The following ERI3 variants were observed in gnomAD, a reference collection of about 807,000 sequenced individuals.
The protein encoded by ERI3 is ERI1 exoribonuclease 3.
A neutral mutation model predicts 44.4 loss-of-function variants in ERI3; 18 were observed. The ratio of observed to expected loss-of-function variants is 0.41; its 90% CI spans 0.28 to 0.60. The LOEUF is 0.60. Ranked by LOEUF, ERI3 falls within the 20% of genes least tolerant of loss-of-function variation. The probability of loss-of-function intolerance (pLI) is 0.36; values close to 1 mark genes in which losing one functional copy is unlikely to be tolerated. For missense variants in ERI3, 294 were observed against 435.5 expected, an observed-to-expected ratio of 0.68 and a Z score of 2.89; for synonymous variants, 183 against 164.8, an observed-to-expected ratio of 1.11 and a Z score of -0.84.
chr1:44,235,388 C>G lies in ERI3; in HGVS notation c.931+12551G>C, dbSNP rs754695532. Among the ~76,000 whole-genome samples, 18 of 152,166 alleles carry G rather than the reference C, an allele frequency of 1.2e-4. No individual in the cohort carries two copies. Among genetic ancestry groups the G allele is most frequent in the Non-Finnish European group, 2.6e-4 (18 of 68,030 alleles). ...CTTCCTCTAGGTGCCTTCCCCCCATCCCGCCTTTGTGTTAGGAACCTCTTC... is the reference window on the plus strand; with the variant it reads ...CTTCCTCTAGGTGCCTTCCCCCCATGCCGCCTTTGTGTTAGGAACCTCTTC... On this transcript the variant is annotated intron_variant, in intron 8 of 8. Coordinates refer to ENST00000372257, the MANE Select transcript of ERI3 (RefSeq NM_024066.3). This position sits in a 1 kb window ranked among gnomAD's most constrained non-coding sequence, Gnocchi z 4.6.
intron 8 of ERI3, among the ~76,000 whole-genome samples, chr1:44,227,725 G>C (rs954682589): frequency 9.2e-5 from 14 of 152,276 alleles, no homozygotes; most frequent in African/African-American, 3.4e-4. Context: ...GGCCAAGGCA[G>C]TGAGTTTAGG....
Position 44,274,233 on chromosome 1 carries a change from T to C in ERI3, c.831+10602A>G, listed in dbSNP as rs146214644. 3.3e-3 allele frequency among the ~76,000 whole-genome samples: 508 copies of C among 152,366 alleles called. 3 individuals carry two copies. The highest frequency in any genetic ancestry group is 0.011 in the African/African-American group (476 of 41,580). ...TTCATGCATATATTATCTGTCTCCC[T>C]ATTATCTGGAATCATTTCGGAATTA... is the stretch of plus-strand genomic sequence containing the variant. On this transcript the variant is annotated intron_variant, in intron 7 of 8. Transcript: ENST00000372257.
intron 5 of ERI3, among the ~76,000 whole-genome samples, chr1:44,310,955 G>A (rs976620588): frequency 1.2e-4 from 9 of 72,408 alleles, no homozygotes; most frequent in African/African-American, 4.0e-4. Flanking sequence ...TGCACATCGC[G>A]CGCGCGCGCA....
chr1:44,263,274 G>A (rs975787486), intron 7 of ERI3, among the ~76,000 whole-genome samples: 11 of 152,184 alleles, frequency 7.2e-5, no homozygotes, highest in Admixed American at 1.3e-4. Context: ...AGGAGGTCAG[G>A]GGCTGAAAAC....
chr1:44,288,070 A>AG (rs1330262130), intron 6 of ERI3, among the ~76,000 whole-genome samples: 1 of 152,168 alleles, frequency 6.6e-6, no homozygotes, highest in East Asian at 1.9e-4. Context: ...TCCACTGCCT[A>AG]GGAAGGGTCT....
intron 2 of ERI3, among the ~76,000 whole-genome samples, chr1:44,343,482 C>G (rs186286140): frequency 1.4e-4 from 21 of 152,242 alleles, no homozygotes; most frequent in Admixed American, 7.2e-4. Context: ...AGCTACACAA[C>G]CTAAATCTAA....
chr1:44,277,526 C>T (rs1645203403), intron 7 of ERI3, among the ~76,000 whole-genome samples: 1 of 152,224 alleles, frequency 6.6e-6, no homozygotes, highest in Admixed American at 6.5e-5. Flanking sequence ...TTAGTTCACT[C>T]CAATTTGGCT....
At chr1:44,325,451 A>C (rs1168401672) in intron 3 of ERI3, among the ~76,000 whole-genome samples, 1 of 152,204 alleles carries the variant, frequency 6.6e-6, no homozygotes, top group Non-Finnish European at 1.5e-5. Flanking sequence ...CTGCAACAGC[A>C]TTTCAAATGA....
rs373964791 is a variant in ERI3, at chr1:44,252,417, G to A, written c.832-4379C>T. Among the ~76,000 whole-genome samples, 68 of 152,346 alleles carry A rather than the reference G, an allele frequency of 4.5e-4. 1 individual carries two copies. In the East Asian group the frequency reaches 9.7e-3, roughly 22 times the overall value. On this transcript the variant is annotated intron_variant, in intron 7 of 8. Coordinates refer to ENST00000372257, the MANE Select transcript of ERI3 (RefSeq NM_024066.3). This position sits in a 1 kb window ranked among gnomAD's most constrained non-coding sequence, Gnocchi z 4.7. Reference sequence around the variant, plus strand: ...GCCAGCCATCTGCGACGGGCCTGCCGCATAGCCCTGCTGTAGGTGCGGCGG... The same window carrying A: ...GCCAGCCATCTGCGACGGGCCTGCCACATAGCCCTGCTGTAGGTGCGGCGG...
At chr1:44,274,778 T>G (rs1468717431) in intron 7 of ERI3, among the ~76,000 whole-genome samples, 1 of 152,180 alleles carries the variant, frequency 6.6e-6, no homozygotes, top group Non-Finnish European at 1.5e-5. Context: ...GGTTCCAGCA[T>G]CAAACCCAGC....
intron 2 of ERI3, among the ~76,000 whole-genome samples, chr1:44,344,940 G>T (rs1225841419): frequency 6.6e-6 from 1 of 152,230 alleles, no homozygotes; most frequent in Admixed American, 6.5e-5. Flanking sequence ...TGGAGAAGCA[G>T]GCCTGCGCCA....
At chr1:44,269,575 T>C (rs1353019403) in intron 7 of ERI3, among the ~76,000 whole-genome samples, 2 of 152,182 alleles carry the variant, frequency 1.3e-5, no homozygotes, top group East Asian at 3.8e-4. Context: ...CATATACAAA[T>C]GGGTACACCC....
chr1:44,289,098 G>T (rs1357523062), intron 6 of ERI3, among the ~76,000 whole-genome samples: 1 of 152,186 alleles, frequency 6.6e-6, no homozygotes, highest in African/African-American at 2.4e-5. Flanking sequence ...CGAGTCCACA[G>T]GTGTGATTTC....
At chr1:44,261,874 G>T (rs778964862) in intron 7 of ERI3, among the ~76,000 whole-genome samples, 19 of 152,232 alleles carry the variant, frequency 1.2e-4, no homozygotes, top group Non-Finnish European at 2.4e-4. Context: ...GGCTGGGAAT[G>T]GGTGTGGCAA....
intron 6 of ERI3, among the ~76,000 whole-genome samples, chr1:44,287,815 A>C (rs1186242621): frequency 6.6e-6 from 1 of 152,202 alleles, no homozygotes; most frequent in Non-Finnish European, 1.5e-5. Context: ...TTTTAGAAAA[A>C]TCACATTAAG....
chr1:44,238,050 C>T (rs1272315474), intron 8 of ERI3, among the ~76,000 whole-genome samples: 1 of 152,194 alleles, frequency 6.6e-6, no homozygotes, highest in African/African-American at 2.4e-5. Context: ...GGCCTCTGCT[C>T]TTCTCTCTTG....
Position 44,355,247 on chromosome 1 carries a change from C to G in ERI3, c.-221G>C. On this transcript the variant is annotated 5_prime_UTR_variant, in exon 1 of 9. Transcript: ENST00000372257. ...GGCAGCCAGCACCACGAGTCCACAACACACCGACTCACCTCCGCGCACTCT... is the reference window on the plus strand; with the variant it reads ...GGCAGCCAGCACCACGAGTCCACAAGACACCGACTCACCTCCGCGCACTCT... 1 of 1,169,956 alleles carries G rather than the reference C, an allele frequency of 8.5e-7. No homozygotes were observed. The highest frequency in any genetic ancestry group is 1.1e-6 in the Non-Finnish European group (1 of 948,322). The allele number at this position is 1,169,956 out of a possible 1,614,324, so 72.5% of individuals were successfully genotyped here.
Position 44,250,620 on chromosome 1 carries a change from T to C in ERI3, c.832-2582A>G, listed in dbSNP as rs879566801. Among the ~76,000 whole-genome samples, 10 of 152,256 alleles carry C rather than the reference T, an allele frequency of 6.6e-5. No individual in the cohort carries two copies. In the East Asian group the frequency reaches 1.9e-3, roughly 29 times the overall value. On this transcript the variant is annotated intron_variant, in intron 7 of 8. Coordinates refer to ENST00000372257, the MANE Select transcript of ERI3 (RefSeq NM_024066.3). ...CTTGTCAGAGCGAGGGCGAGATGAA[T>C]TGGCGTCTCCACTGCGGCCGTGGGT...
chr1:44,319,774 A>T (rs375958313), intron 3 of ERI3, 30 bp from the exon 4 acceptor site: 1 of 1,491,406 alleles, frequency 6.7e-7, no homozygotes, highest in Non-Finnish European at 9.4e-7. Context: ...GAAAAGGAAA[A>T]ATAAGTTATT....
Sources: allele counts gnomAD v4.1 joint callset (sites outside exome capture counted in the v4.1 genomes callset), GRCh38; gene constraint gnomAD v4.1.1; non-coding constraint Gnocchi (gnomAD v3.1); transcripts MANE v1.5; gene names NCBI Gene and HGNC (gene_info 2026-07-23, HGNC 2026-07-21).